Variants in EFNA1 observed in about 807,000 individuals in gnomAD.
EFNA1 encodes ephrin-A1.
EFNA1 carries 8 observed loss-of-function variants against 23.2 expected under a neutral mutation model. That is an observed-to-expected ratio of 0.34 (90% confidence interval 0.20 to 0.62). EFNA1 has a LOEUF of 0.62. Ranked by LOEUF, EFNA1 falls within the 20% of genes least tolerant of loss-of-function variation. EFNA1 has a pLI of 0.75. For synonymous variants in EFNA1, 89 were observed against 98.6 expected (o/e 0.90, Z 0.58); for missense variants, 217 against 260.0 (o/e 0.83, Z 1.14).
In EFNA1 at chr1:155,134,406, C is replaced by G. The variant is rs749287793; in HGVS notation, c.*339C>G. The G allele has an allele frequency of 6.9e-5, 23 of 335,256 alleles. No homozygotes were observed. Among genetic ancestry groups the G allele is most frequent in the Admixed American group, 1.7e-4 (4 of 22,952 alleles). The allele number at this position is 335,256 out of a possible 1,614,324, so 20.8% of individuals were successfully genotyped here. A position where few individuals can be genotyped will look rare whatever the true frequency, so the allele number is the denominator to read the frequency against. ...GTGGGAGCTGAGCTGGAAGGGGCCA[C>G]GTGGATGGGCAAAGCTTGTCAAAGA... On this transcript the variant is annotated 3_prime_UTR_variant, in exon 5 of 5. Coordinates refer to ENST00000368407, the MANE Select transcript of EFNA1 (RefSeq NM_004428.3).
At chr1:155,130,703 G>A (rs1012292394) in intron 1 of EFNA1, 17 of 985,200 alleles carry the variant, frequency 1.7e-5, no homozygotes, top group Admixed American at 1.2e-4. Flanking sequence ...ATGAATTGAT[G>A]AGAGTGATTT....
In EFNA1 at chr1:155,127,879, T is replaced by A; in HGVS notation, c.-99T>A. The stretch of plus-strand genomic sequence containing the variant: ...GGAGTCGCTAGGCGAAGGGGCCAGA[T>A]CTGTGAGCCCAGCGCTGACTGCGCC... On this transcript the variant is annotated 5_prime_UTR_variant, in exon 1 of 5. Coordinates refer to ENST00000368407, the MANE Select transcript of EFNA1 (RefSeq NM_004428.3). This position sits in a 1 kb window ranked among gnomAD's most constrained non-coding sequence, Gnocchi z 4.4. 1 of 897,134 alleles carries A rather than the reference T, an allele frequency of 1.1e-6. No homozygotes were observed. Among genetic ancestry groups the A allele is most frequent in the Non-Finnish European group, 1.7e-6 (1 of 599,750 alleles). The allele number at this position is 897,134 out of a possible 1,614,324, so 55.6% of individuals were successfully genotyped here.
At chr1:155,130,054 C>T (rs1407575635) in intron 1 of EFNA1, among the ~76,000 whole-genome samples, 1 of 152,218 alleles carries the variant, frequency 6.6e-6, no homozygotes, top group Non-Finnish European at 1.5e-5. Flanking sequence ...CCTCTCTCTG[C>T]TCCTCTCTTT....
Position 155,133,786 on chromosome 1 carries a change from T to G in EFNA1, c.505+6T>G. On this transcript the variant is annotated splice_donor_region_variant and intron_variant, in intron 4 of 4. Transcript: ENST00000368407. Reference sequence around the variant, plus strand: ...GGAGAAGAGACTTGCAGCAGGTGGGTAGCTGGAGCAAACTGGGCCTGGGGC... The same window carrying G: ...GGAGAAGAGACTTGCAGCAGGTGGGGAGCTGGAGCAAACTGGGCCTGGGGC... 6.2e-7 allele frequency: 1 copy of G among 1,614,016 alleles called. No homozygotes were observed.
chr1:155,134,793 T>C lies in EFNA1; in HGVS notation c.*726T>C, dbSNP rs1288596176. On this transcript the variant is annotated 3_prime_UTR_variant, in exon 5 of 5. Transcript: ENST00000368407. ...AAGTTGCTGTGTGTCTGTCCTGATTTCTACAACTGGAGTTTTTTTATACAA... is the reference window on the plus strand; with the variant it reads ...AAGTTGCTGTGTGTCTGTCCTGATTCCTACAACTGGAGTTTTTTTATACAA... The C allele has an allele frequency of 1.3e-5, 2 of 153,656 alleles. No individual in the cohort carries two copies. Among genetic ancestry groups the C allele is most frequent in the Non-Finnish European group, 2.9e-5 (2 of 68,976 alleles). The allele number at this position is 153,656 out of a possible 1,614,324, so 9.5% of individuals were successfully genotyped here.
rs34899613 is a variant in EFNA1 at position 155,129,513 on chromosome 1, CCACACACACACACACA to C, written c.92+1464_92+1479del. 8.3e-4 allele frequency: 121 copies of C among 145,978 alleles called. No homozygotes were observed. The South Asian group carries it at 0.012, about 14-fold the overall frequency. 9.0% of individuals were successfully genotyped at this position (145,978 alleles called of 1,614,324 possible). On this transcript the variant is annotated intron_variant, in intron 1 of 4. Coordinates refer to ENST00000368407, the MANE Select transcript of EFNA1 (RefSeq NM_004428.3). The stretch of plus-strand genomic sequence containing the variant: ...AGGGGGCTGATGGGTGACCCTCTGG[CCACACACACACACACA>C]CACACACACACACACACACGCACAC...
At chr1:155,131,006 G>T (rs1664229777) in intron 1 of EFNA1, 13 of 985,224 alleles carry the variant, frequency 1.3e-5, no homozygotes, top group Non-Finnish European at 1.6e-5. Flanking sequence ...GGGTAGAAGA[G>T]AATGATAAGT....
chr1:155,130,440 A>C, intron 1 of EFNA1: 3 of 813,384 alleles, frequency 3.7e-6, no homozygotes, highest in South Asian at 5.9e-5. Context: ...GAACTAGGGG[A>C]GGGGTGCTGG....
chr1:155,132,698 C>A (rs1389299474), intron 2 of EFNA1, among the ~76,000 whole-genome samples: 2 of 151,518 alleles, frequency 1.3e-5, no homozygotes, highest in Non-Finnish European at 2.9e-5. Context: ...AGTGTGGTGG[C>A]GCACTTCTGT....
At position 155,133,945 on chromosome 1, in the gene EFNA1, C is replaced by A. The variant is rs778755153; in HGVS notation, c.506-10C>A. 2.5e-6 allele frequency: 4 copies of A among 1,613,718 alleles called. No individual in the cohort carries two copies. Among genetic ancestry groups the A allele is most frequent in the Non-Finnish European group, 1.7e-6 (2 of 1,179,786 alleles). On this transcript the variant is annotated splice_polypyrimidine_tract_variant and intron_variant, in intron 4 of 4. Coordinates refer to ENST00000368407, the MANE Select transcript of EFNA1 (RefSeq NM_004428.3). Reference sequence around the variant, plus strand: ...CTCACACTGGTGGCCTTTGCCCTCTCACCTTGCAGATGACCCAGAGGTGCG... The same window carrying A: ...CTCACACTGGTGGCCTTTGCCCTCTAACCTTGCAGATGACCCAGAGGTGCG...
intron 1 of EFNA1, chr1:155,130,868 G>A (rs919372297): frequency 4.1e-6 from 4 of 985,236 alleles, no homozygotes; most frequent in African/African-American, 3.5e-5. Context: ...GGAGGCTCCA[G>A]GCTAGCATGG....
Position 155,134,003 on chromosome 1 carries a change from C to T in EFNA1, c.554C>T (p.Pro185Leu), listed in dbSNP as rs1292581354. 4 of 1,614,160 alleles carry T rather than the reference C, an allele frequency of 2.5e-6. No individual in the cohort carries two copies. The highest frequency in any genetic ancestry group is 3.4e-6 in the Non-Finnish European group (4 of 1,180,026). Residue 185 changes from proline to leucine, a missense_variant, in exon 5 of 5, where the codon CCA (proline) becomes CTA (leucine). Pro to Leu is a moderately conservative substitution (Grantham distance 98). Coordinates refer to ENST00000368407, the MANE Select transcript of EFNA1 (RefSeq NM_004428.3). ...VLHSIGHSAAPRLFPLAWTVL... is the reference protein window; with the variant it reads ...VLHSIGHSAALRLFPLAWTVL... ...CATAGCATCGGTCACAGTGCTGCCCCACGCCTCTTCCCACTTGCCTGGACT... is the reference window on the plus strand; with the variant it reads ...CATAGCATCGGTCACAGTGCTGCCCTACGCCTCTTCCCACTTGCCTGGACT...
At chr1:155,129,053 G>A (rs138876982) in intron 1 of EFNA1, among the ~76,000 whole-genome samples, 5 of 152,258 alleles carry the variant, frequency 3.3e-5, no homozygotes, top group East Asian at 1.9e-4. Context: ...CTCTGACCCC[G>A]TGTCATCGTC....
intron 1 of EFNA1, chr1:155,129,753 C>G (rs1477993804): frequency 6.6e-6 from 1 of 152,450 alleles, no homozygotes; most frequent in Middle Eastern, 3.1e-3. Flanking sequence ...GGGCGCCAGC[C>G]TCCCTCATGC....
At chr1:155,133,033 C>G (rs1446340841) in intron 2 of EFNA1, among the ~76,000 whole-genome samples, 1 of 152,076 alleles carries the variant, frequency 6.6e-6, no homozygotes, top group Non-Finnish European at 1.5e-5. Flanking sequence ...GCCTCAGCCT[C>G]CCGAGTAGCT....
chr1:155,130,485 G>A (rs776655729), intron 1 of EFNA1: 186 of 981,368 alleles, frequency 1.9e-4, no homozygotes, highest in Non-Finnish European at 2.2e-4. Context: ...GAGGGGAGAG[G>A]GGGAGAGGAG....
chr1:155,131,881 AC>A (rs1664245796), intron 2 of EFNA1, among the ~76,000 whole-genome samples: 1 of 152,222 alleles, frequency 6.6e-6, no homozygotes, highest in Admixed American at 6.5e-5. Flanking sequence ...GAAGAAACAC[AC>A]ATAGGTTAAG....
In EFNA1 at chr1:155,134,324, C is replaced by T; in HGVS notation, c.*257C>T. The T allele has an allele frequency of 1.9e-6, 1 of 531,324 alleles. No individual in the cohort carries two copies. The highest frequency in any genetic ancestry group is 3.4e-5 in the East Asian group (1 of 29,736). The allele number at this position is 531,324 out of a possible 1,614,324, so 32.9% of individuals were successfully genotyped here. ...AGAAGTGGAGACAGTCCTTTCCCAC[C>T]ATTCCTGCCTTTAAGCCAAAGAAAC... is the stretch of plus-strand genomic sequence containing the variant. On this transcript the variant is annotated 3_prime_UTR_variant, in exon 5 of 5. Coordinates refer to ENST00000368407, the MANE Select transcript of EFNA1 (RefSeq NM_004428.3).
At position 155,134,108 on chromosome 1, in the gene EFNA1, AGAGAGG is replaced by A. The variant is rs775058359; in HGVS notation, c.*44_*49del. On this transcript the variant is annotated 3_prime_UTR_variant, in exon 5 of 5. Transcript: ENST00000368407. The stretch of plus-strand genomic sequence containing the variant: ...CTGGCCTTAAAGAGGGACAGGCTGA[AGAGAGG>A]GACAGGCACTCCAAACCTGTCTTGG... The A allele has an allele frequency of 2.5e-6, 4 of 1,589,100 alleles. No individual in the cohort carries two copies. Among genetic ancestry groups the A allele is most frequent in the Non-Finnish European group, 3.4e-6 (4 of 1,164,830 alleles).
Sources: gnomAD v4.1 joint callset for allele counts (sites outside exome capture counted in the v4.1 genomes callset) on GRCh38, gnomAD v4.1.1 for gene constraint, Gnocchi (gnomAD v3.1) non-coding constraint, MANE v1.5 for transcripts, NCBI Gene and HGNC (gene_info 2026-07-23, HGNC 2026-07-21) for gene names.